UBE2G1: variants seen among roughly 807,000 people sequenced by gnomAD.
UBE2G1 encodes ubiquitin-conjugating enzyme E2 G1.
UBE2G1 carries 5 observed loss-of-function variants against 22.7 expected under a neutral mutation model. The ratio of observed to expected loss-of-function variants is 0.22; its 90% CI spans 0.12 to 0.46. UBE2G1 has a LOEUF of 0.46. Among genes scored for constraint, UBE2G1 ranks in the 20% least tolerant of loss-of-function variants. The pLI is 0.99. For missense variants in UBE2G1, 88 were observed against 203.9 expected (o/e 0.43, Z 3.46); for synonymous variants, 74 against 67.5 (o/e 1.10, Z -0.47).
At chr17:4,281,113 C>CCT (rs2143681067) in intron 5 of UBE2G1, among the ~76,000 whole-genome samples, 1 of 152,198 alleles carries the variant, frequency 6.6e-6, no homozygotes, top group South Asian at 2.1e-4. Flanking sequence ...GGATAGCCAC[C>CCT]CTCTATAACA....
intron 1 of UBE2G1, among the ~76,000 whole-genome samples, chr17:4,339,344 GC>G (rs1567527145): frequency 1.3e-5 from 2 of 150,520 alleles, no homozygotes. Context: ...CACTCTTGTT[GC>G]CCAGGCTGGA....
intron 2 of UBE2G1, among the ~76,000 whole-genome samples, chr17:4,299,292 G>A (rs539863806): frequency 2.0e-5 from 3 of 152,218 alleles, no homozygotes; most frequent in South Asian, 4.1e-4. Flanking sequence ...CCAGCTACTT[G>A]GGAGGCTGAG....
At chr17:4,353,196 C>CG in intron 1 of UBE2G1, among the ~76,000 whole-genome samples, 1 of 151,888 alleles carries the variant, frequency 6.6e-6, no homozygotes, top group East Asian at 1.9e-4. Context: ...CCAGCCTGGG[C>CG]GACAGAGTGA....
chr17:4,337,659 A>G (rs1306783425), intron 1 of UBE2G1, among the ~76,000 whole-genome samples: 2 of 151,860 alleles, frequency 1.3e-5, no homozygotes, highest in African/African-American at 4.8e-5. Context: ...GTCTCAAAAA[A>G]AAAAAAAGAA....
chr17:4,279,707 G>A (rs866684514), intron 5 of UBE2G1, among the ~76,000 whole-genome samples: 56 of 150,942 alleles, frequency 3.7e-4, no homozygotes, highest in Admixed American at 2.0e-3. Context: ...CCCAGGAGAC[G>A]GAGATTGCAG....
At chr17:4,366,154 C>G in intron 1 of UBE2G1, 117 bp downstream of exon 1, 1 of 1,127,852 alleles carries the variant, frequency 8.9e-7, no homozygotes, top group East Asian at 3.2e-5. Flanking sequence ...GGTCCCCACC[C>G]TCGCAGGCCC....
intron 1 of UBE2G1, among the ~76,000 whole-genome samples, chr17:4,360,637 C>T (rs1969955646): frequency 6.6e-6 from 1 of 152,216 alleles, no homozygotes; most frequent in African/African-American, 2.4e-5. Context: ...ACTGGCCCGG[C>T]GCAGTGGCTC....
At chr17:4,338,416 CAGAATT>C (rs1282759421) in intron 1 of UBE2G1, among the ~76,000 whole-genome samples, 3 of 152,118 alleles carry the variant, frequency 2.0e-5, no homozygotes, top group Admixed American at 1.3e-4. Context: ...AAGCATCTAA[CAGAATT>C]AGAAAACACT....
intron 5 of UBE2G1, among the ~76,000 whole-genome samples, chr17:4,273,335 C>A (rs1279579296): frequency 6.6e-6 from 1 of 152,094 alleles, no homozygotes; most frequent in Non-Finnish European, 1.5e-5. Flanking sequence ...TAGAAAAACA[C>A]TAGGTTGAAG....
chr17:4,281,582 A>C (rs1968892848), intron 5 of UBE2G1, among the ~76,000 whole-genome samples: 1 of 152,220 alleles, frequency 6.6e-6, no homozygotes, highest in Non-Finnish European at 1.5e-5. Context: ...AAATATCACG[A>C]ATAGGTCTTA....
intron 1 of UBE2G1, among the ~76,000 whole-genome samples, chr17:4,321,605 A>G (rs1244416019): frequency 1.3e-5 from 2 of 151,838 alleles, no homozygotes; most frequent in Non-Finnish European, 1.5e-5. Context: ...CAATCCTCCC[A>G]CCTCAGCCTC....
intron 1 of UBE2G1, among the ~76,000 whole-genome samples, chr17:4,340,810 GT>G (rs1194009768): frequency 2.7e-5 from 4 of 146,622 alleles, no homozygotes; most frequent in Non-Finnish European, 5.9e-5. Context: ...GTCTCACAAT[GT>G]TGACCAGGCT....
chr17:4,272,459 T>A lies in UBE2G1; in HGVS notation c.*95A>T, dbSNP rs1598175503. Reference sequence around the variant, plus strand: ...TGTTTGCCAACTTGTACAACAGAAGTCCAGCAATAGGTGGGTAGAGTGCAG... The same window carrying A: ...TGTTTGCCAACTTGTACAACAGAAGACCAGCAATAGGTGGGTAGAGTGCAG... On this transcript the variant is annotated 3_prime_UTR_variant, in exon 6 of 6. Transcript: ENST00000396981. 1 of 186,832 alleles carries A rather than the reference T, an allele frequency of 5.4e-6. No homozygotes were observed. The highest frequency in any genetic ancestry group is 1.9e-4 in the East Asian group (1 of 5,206). 11.6% of individuals were successfully genotyped at this position (186,832 alleles called of 1,614,324 possible).
rs563858988 is a variant in UBE2G1 at position 4,328,413 on chromosome 17, G to A, written c.47-21290C>T. On this transcript the variant is annotated intron_variant, in intron 1 of 5. Coordinates refer to ENST00000396981, the MANE Select transcript of UBE2G1 (RefSeq NM_003342.5). ...CATACAAAAAAAGTTCTTCCCTTGG[G>A]TGATTTAATAGACCTAGTAAATGTC... 1.6e-4 allele frequency among the ~76,000 whole-genome samples: 24 copies of A among 152,258 alleles called. No individual in the cohort carries two copies. The South Asian group carries it at 4.6e-3, about 29-fold the overall frequency.
chr17:4,317,862 AG>A (rs1969394582), intron 1 of UBE2G1, among the ~76,000 whole-genome samples: 1 of 152,234 alleles, frequency 6.6e-6, no homozygotes, highest in South Asian at 2.1e-4. Flanking sequence ...TTGTCGCAGC[AG>A]GAACTCCTCA....
At chr17:4,352,350 C>G (rs772515491) in intron 1 of UBE2G1, among the ~76,000 whole-genome samples, 15 of 152,208 alleles carry the variant, frequency 9.9e-5, no homozygotes, top group Non-Finnish European at 1.9e-4. Flanking sequence ...CTGTCTTAGT[C>G]TCCCAAAGTG....
At chr17:4,301,308 G>A in intron 2 of UBE2G1, 1 of 427,140 alleles carries the variant, frequency 2.3e-6, no homozygotes. Context: ...AGGTCCTGGA[G>A]TTGTCACCCC....
At chr17:4,340,827 T>TGAACTCCTGGTCTC (rs1200922404) in intron 1 of UBE2G1, among the ~76,000 whole-genome samples, 8 of 150,414 alleles carry the variant, frequency 5.3e-5, no homozygotes, top group Admixed American at 1.3e-4. Flanking sequence ...AGGCTGGTCT[T>TGAACTCCTGGTCTC]GAACTCCTGG....
intron 1 of UBE2G1, chr17:4,364,176 A>G (rs1970002587): frequency 6.8e-6 from 1 of 146,778 alleles, no homozygotes; most frequent in Admixed American, 6.8e-5. Context: ...AGGCAGGAGA[A>G]TCACTTGAAC....
Sources: gnomAD v4.1 joint callset for allele counts (sites outside exome capture counted in the v4.1 genomes callset) on GRCh38, gnomAD v4.1.1 for gene constraint, MANE v1.5 for transcripts, NCBI Gene and HGNC (gene_info 2026-07-23, HGNC 2026-07-21) for gene names.